MAPK10: variants seen among roughly 807,000 people sequenced by gnomAD.
MAPK10 encodes mitogen-activated protein kinase 10, also known as JNK3 alpha protein kinase.
Under a neutral mutation model 59.3 loss-of-function variants are expected in MAPK10, and 25 were observed. The ratio of observed to expected loss-of-function variants is 0.42; its 90% CI spans 0.31 to 0.59. The LOEUF (loss-of-function observed/expected upper bound fraction) is 0.59, where lower values mean the gene tolerates loss of function less well. Ranked by LOEUF, MAPK10 falls within the 20% of genes least tolerant of loss-of-function variation. MAPK10 has a pLI of 0.15. For missense variants in MAPK10, 351 were observed against 568.9 expected (o/e 0.62, Z 3.90); for synonymous variants, 190 against 200.5 (o/e 0.95, Z 0.44).
chr4:86,124,718 T>C (rs945857129), intron 4 of MAPK10: 1 of 152,080 alleles, frequency 6.6e-6, no homozygotes, highest in African/African-American at 2.4e-5. Context: ...TACTTTAGAA[T>C]ATCTTAATTT....
intron 11 of MAPK10, among the ~76,000 whole-genome samples, chr4:86,052,663 T>A (rs569637998): frequency 3.6e-4 from 54 of 152,096 alleles, no homozygotes; most frequent in Non-Finnish European, 5.6e-4. Flanking sequence ...TTACGTTGAA[T>A]CATGGAGGAT....
Position 86,132,917 on chromosome 4 carries a change from A to G in MAPK10, c.237-25565T>C, listed in dbSNP as rs892875647. 8.5e-5 allele frequency among the ~76,000 whole-genome samples: 13 copies of G among 152,194 alleles called. 1 individual carries two copies. The highest frequency in any genetic ancestry group is 1.6e-4 in the Non-Finnish European group (11 of 68,044). On this transcript the variant is annotated intron_variant, in intron 4 of 13. Coordinates refer to ENST00000641462, the MANE Select transcript of MAPK10 (RefSeq NM_138982.4). ...TATTATTATGTCATTATATATTACA[A>G]TGTAATAATGATAGAAATAAAGTGC...
At chr4:86,041,267 C>G (rs1258222005) in intron 11 of MAPK10, among the ~76,000 whole-genome samples, 1 of 152,172 alleles carries the variant, frequency 6.6e-6, no homozygotes, top group African/African-American at 2.4e-5. Flanking sequence ...GCTGGGAAAA[C>G]TGCCTAGCCA....
intron 2 of MAPK10, among the ~76,000 whole-genome samples, chr4:86,306,974 G>A (rs2095579924): frequency 6.6e-6 from 1 of 152,128 alleles, no homozygotes; most frequent in Admixed American, 6.5e-5. Flanking sequence ...TTCAAGCACG[G>A]GTCTAGTGAC....
intron 3 of MAPK10, among the ~76,000 whole-genome samples, chr4:86,165,438 C>T (rs1047322379): frequency 1.3e-5 from 2 of 151,482 alleles, no homozygotes; most frequent in Non-Finnish European, 2.9e-5. Flanking sequence ...AATGCAGTGG[C>T]ACAATCATGG....
chr4:86,314,279 G>T lies in MAPK10; in HGVS notation c.-7+40251C>A, dbSNP rs113274243. On this transcript the variant is annotated intron_variant, in intron 2 of 13. Coordinates refer to ENST00000641462, the MANE Select transcript of MAPK10 (RefSeq NM_138982.4). ...TACATAGGTTATATGGTTTGGCTTT[G>T]TGTCCCCACCCAAATCTCATCTTGA... Among the ~76,000 whole-genome samples the T allele has an allele frequency of 6.6e-4, 101 of 152,210 alleles. 1 individual carries two copies. Among genetic ancestry groups the T allele is most frequent in the African/African-American group, 2.4e-3 (100 of 41,540 alleles).
intron 13 of MAPK10, chr4:86,026,995 G>GCATAGTTGGGAAGAGAGGTA (rs1750629883): frequency 6.6e-6 from 1 of 152,162 alleles, no homozygotes; most frequent in Non-Finnish European, 1.5e-5. Context: ...AACAATAAAT[G>GCATAGTTGGGAAGAGAGGTA]CATAGTTGGG....
At chr4:86,068,266 G>A (rs564102678) in intron 9 of MAPK10, among the ~76,000 whole-genome samples, 48 of 152,158 alleles carry the variant, frequency 3.2e-4, no homozygotes, top group Admixed American at 2.9e-3. Flanking sequence ...ATATTCTGCA[G>A]ATAAACTTCT....
chr4:86,324,910 G>C (rs1323238042), intron 2 of MAPK10, among the ~76,000 whole-genome samples: 1 of 152,002 alleles, frequency 6.6e-6, no homozygotes, highest in African/African-American at 2.4e-5. Context: ...AGCAAAACTT[G>C]TCCATTTCAA....
intron 1 of MAPK10, among the ~76,000 whole-genome samples, chr4:86,398,995 TC>T (rs1398284232): frequency 1.1e-4 from 16 of 152,338 alleles, no homozygotes; most frequent in African/African-American, 3.8e-4. Flanking sequence ...ATTTTCATTA[TC>T]CAGTCCACCG....
chr4:86,211,610 C>G (rs1025885783), intron 2 of MAPK10, among the ~76,000 whole-genome samples: 2 of 151,892 alleles, frequency 1.3e-5, no homozygotes, highest in Non-Finnish European at 2.9e-5. Flanking sequence ...AAAGGACACT[C>G]AAAACTATAT....
At chr4:86,064,459 A>G in intron 10 of MAPK10, 69 bp from the exon 11 acceptor site, 7 of 1,479,606 alleles carry the variant, frequency 4.7e-6, no homozygotes, top group Non-Finnish European at 6.6e-6. Flanking sequence ...TCAGAGAGGA[A>G]ATTTAAGAAA....
At chr4:86,446,590 G>A (rs555754840) in intron 1 of MAPK10, among the ~76,000 whole-genome samples, 4 of 152,106 alleles carry the variant, frequency 2.6e-5, no homozygotes, top group Non-Finnish European at 5.9e-5. Flanking sequence ...ACATGTGGAT[G>A]GAATTATTTA....
chr4:86,538,342 C>T (rs989105136), intron 1 of MAPK10, among the ~76,000 whole-genome samples: 11 of 152,124 alleles, frequency 7.2e-5, no homozygotes, highest in Non-Finnish European at 1.6e-4. Flanking sequence ...GATGGAGTTT[C>T]TCCATGTTGG....
intron 1 of MAPK10, among the ~76,000 whole-genome samples, chr4:86,540,387 C>G (rs1486480666): frequency 6.6e-6 from 1 of 152,084 alleles, no homozygotes. Flanking sequence ...GTGGTCCCAA[C>G]TACTCAGGGG....
intron 1 of MAPK10, among the ~76,000 whole-genome samples, chr4:86,434,150 G>A (rs989665354): frequency 6.6e-6 from 1 of 152,158 alleles, no homozygotes; most frequent in African/African-American, 2.4e-5. Flanking sequence ...GGAAAGGACA[G>A]TCTTTTCAAT....
intron 2 of MAPK10, among the ~76,000 whole-genome samples, chr4:86,333,714 CT>C (rs1255116239): frequency 6.6e-6 from 1 of 152,164 alleles, no homozygotes; most frequent in Non-Finnish European, 1.5e-5. Context: ...CTACCATATA[CT>C]GGTTGGTGAC....
chr4:86,069,447 C>A (rs987949538), intron 9 of MAPK10, among the ~76,000 whole-genome samples: 1 of 151,954 alleles, frequency 6.6e-6, no homozygotes, highest in Non-Finnish European at 1.5e-5. Context: ...ATCTAATTAT[C>A]ATGTGCATGA....
chr4:86,473,988 A>G (rs889950567), intron 1 of MAPK10, among the ~76,000 whole-genome samples: 1 of 148,904 alleles, frequency 6.7e-6, no homozygotes, highest in Non-Finnish European at 1.5e-5. Flanking sequence ...TGTCTCTACC[A>G]AAAAAAAAAG....
Sources: allele counts gnomAD v4.1 joint callset (sites outside exome capture counted in the v4.1 genomes callset), GRCh38; gene constraint gnomAD v4.1.1; transcripts MANE v1.5; gene names NCBI Gene and HGNC (gene_info 2026-07-23, HGNC 2026-07-21).